The following ASCC3 variants were observed in gnomAD, a reference collection of about 807,000 sequenced individuals.
ASCC3 encodes the protein activating signal cointegrator 1 complex subunit 3, also known as ASC-1 complex subunit P200.
ASCC3 carries 158 observed loss-of-function variants against 256.3 expected under a neutral mutation model. That is an observed-to-expected ratio of 0.62 (90% CI 0.54 to 0.70). The LOEUF is 0.70. ASCC3 is among the 30% of genes least tolerant of loss of function. ASCC3 has a pLI of 0.00. For missense variants in ASCC3, 2,259 were observed against 2,626.0 expected, an observed-to-expected ratio of 0.86 and a Z score of 3.05; for synonymous variants, 948 against 883.4, an observed-to-expected ratio of 1.07 and a Z score of -1.30.
intron 10 of ASCC3, among the ~76,000 whole-genome samples, chr6:100,729,420 C>T (rs1391412267): frequency 3.9e-5 from 6 of 152,194 alleles, no homozygotes; most frequent in Non-Finnish European, 8.8e-5. Context: ...AGCTATGCTT[C>T]AGTTTTTCTT....
chr6:100,790,781 ATTACT>A (rs1036555710), intron 8 of ASCC3, among the ~76,000 whole-genome samples: 4 of 151,962 alleles, frequency 2.6e-5, no homozygotes, highest in Non-Finnish European at 5.9e-5. Flanking sequence ...ATTTTGTTTG[ATTACT>A]TTACTCCTAG....
In ASCC3 at chr6:100,864,271, C is replaced by T. The variant is rs145879151; in HGVS notation, c.91-57G>A. On this transcript the variant is annotated intron_variant, in intron 2 of 41. Transcript: ENST00000369162. ...TGCTTAAAGTTCTTCTCAACTCCAA[C>T]GCTGATTACATATATTTTGCATTAC... 8.0e-4 allele frequency: 1,120 copies of T among 1,405,676 alleles called. 25 individuals are homozygous for T. In the East Asian group the frequency reaches 0.018, roughly 22 times the overall value. 87.1% of individuals were successfully genotyped at this position (1,405,676 alleles called of 1,614,324 possible). A position where few individuals can be genotyped will look rare whatever the true frequency, so the allele number is the denominator to read the frequency against.
chr6:100,871,458 T>C (rs1773739656), intron 1 of ASCC3, among the ~76,000 whole-genome samples: 1 of 151,904 alleles, frequency 6.6e-6, no homozygotes, highest in Non-Finnish European at 1.5e-5. Context: ...AAGGAAGAAA[T>C]TCATCTATTA....
At chr6:100,620,378 C>T (rs1304168828) in intron 30 of ASCC3, among the ~76,000 whole-genome samples, 5 of 152,148 alleles carry the variant, frequency 3.3e-5, no homozygotes, top group Admixed American at 6.6e-5. Context: ...TGCAGTATAA[C>T]TTTACATCAA....
In ASCC3 at chr6:100,625,331, A is replaced by G; in HGVS notation, c.4646T>C (p.Ile1549Thr). 1 of 1,612,412 alleles carries G rather than the reference A, an allele frequency of 6.2e-7. No individual in the cohort carries two copies. The highest frequency in any genetic ancestry group is 8.5e-7 in the Non-Finnish European group (1 of 1,178,826). Reference sequence around the variant, plus strand: ...AGGTTTGGCTGGAGAATGGCTTCTAATTGCTGTTGAAAAGTTGTGGGAAAT... The same window carrying G: ...AGGTTTGGCTGGAGAATGGCTTCTAGTTGCTGTTGAAAAGTTGTGGGAAAT... ...ASMNKPAFQA[I>T]RSHSPAKPVL... Residue 1549 changes from isoleucine to threonine, a missense_variant, in exon 30 of 42, where the codon ATT (isoleucine) becomes ACT (threonine). Physicochemically the swap from Ile to Thr is moderately conservative, Grantham distance 89. Transcript: ENST00000369162.
intron 17 of ASCC3, 22 bp downstream of exon 17, chr6:100,655,677 T>C: frequency 6.2e-7 from 1 of 1,607,008 alleles, no homozygotes; most frequent in South Asian, 1.1e-5. Context: ...TGAATTTTTT[T>C]TTTAATAAAT....
intron 10 of ASCC3, among the ~76,000 whole-genome samples, chr6:100,726,567 T>C (rs2115041151): frequency 6.6e-6 from 1 of 152,166 alleles, no homozygotes; most frequent in South Asian, 2.1e-4. Flanking sequence ...AAGTTCTAGA[T>C]TCTGAAGCAT....
At chr6:100,833,100 T>A (rs1389810690) in intron 4 of ASCC3, among the ~76,000 whole-genome samples, 3 of 152,094 alleles carry the variant, frequency 2.0e-5, no homozygotes, top group Admixed American at 6.6e-5. Flanking sequence ...TATATCTGTA[T>A]AATGGAGTAT....
intron 1 of ASCC3, among the ~76,000 whole-genome samples, chr6:100,874,910 T>C (rs1368301090): frequency 6.6e-6 from 1 of 152,180 alleles, no homozygotes; most frequent in African/African-American, 2.4e-5. Context: ...CAGACTTAAT[T>C]ACTTTTAAAA....
intron 36 of ASCC3, among the ~76,000 whole-genome samples, chr6:100,568,066 T>C (rs1582462832): frequency 6.6e-6 from 1 of 152,232 alleles, no homozygotes; most frequent in East Asian, 1.9e-4. Flanking sequence ...TTTTTTTGAC[T>C]TTTAATAATA....
At chr6:100,878,824 GT>G (rs1443311356) in intron 1 of ASCC3, among the ~76,000 whole-genome samples, 1 of 152,156 alleles carries the variant, frequency 6.6e-6, no homozygotes, top group Non-Finnish European at 1.5e-5. Flanking sequence ...ATGTGTATGA[GT>G]TTCTCCCCAT....
At chr6:100,733,700 G>A (rs893718259) in intron 10 of ASCC3, among the ~76,000 whole-genome samples, 7 of 152,294 alleles carry the variant, frequency 4.6e-5, no homozygotes, top group Admixed American at 3.9e-4. Flanking sequence ...GCAACCTCAT[G>A]AGACAATTAC....
At chr6:100,655,848 T>C (rs762800603) in intron 16 of ASCC3, 30 bp from the exon 17 acceptor site, 12 of 1,607,092 alleles carry the variant, frequency 7.5e-6, no homozygotes, top group Admixed American at 1.7e-5. Context: ...CAGAAATTAA[T>C]GTATTAAAGT....
chr6:100,745,125 G>C (rs1358644868), intron 10 of ASCC3, among the ~76,000 whole-genome samples: 1 of 152,142 alleles, frequency 6.6e-6, no homozygotes, highest in East Asian at 1.9e-4. Context: ...TCAGGAGTTA[G>C]AGACCAGCCT....
chr6:100,794,112 T>A (rs1232275983), intron 8 of ASCC3, among the ~76,000 whole-genome samples: 4 of 152,088 alleles, frequency 2.6e-5, no homozygotes, highest in Non-Finnish European at 5.9e-5. Context: ...GCAGCTTTTC[T>A]TCCTTGAATT....
chr6:100,525,314 T>G (rs1204365307), intron 37 of ASCC3, among the ~76,000 whole-genome samples: 2 of 151,862 alleles, frequency 1.3e-5, no homozygotes, highest in African/African-American at 2.4e-5. Context: ...GAAATTTATT[T>G]ATGCCAAAAT....
chr6:100,850,119 A>AAAT (rs1772592131), intron 3 of ASCC3, among the ~76,000 whole-genome samples: 1 of 149,332 alleles, frequency 6.7e-6, no homozygotes, highest in Non-Finnish European at 1.5e-5. Context: ...AAAAAAAAAA[A>AAAT]AGAAGGAAAC....
chr6:100,686,358 T>C (rs1009447269), intron 13 of ASCC3, among the ~76,000 whole-genome samples: 2 of 152,202 alleles, frequency 1.3e-5, no homozygotes, highest in South Asian at 2.1e-4. Context: ...ACAATGTCTC[T>C]ACCACCCTTC....
At chr6:100,731,488 C>T (rs1779900584) in intron 10 of ASCC3, among the ~76,000 whole-genome samples, 1 of 152,184 alleles carries the variant, frequency 6.6e-6, no homozygotes, top group South Asian at 2.1e-4. Flanking sequence ...TTGTTCATCA[C>T]TCTAACTGCT....
Sources: allele counts gnomAD v4.1 joint callset (sites outside exome capture counted in the v4.1 genomes callset), GRCh38; gene constraint gnomAD v4.1.1; transcripts MANE v1.5; gene names NCBI Gene and HGNC (gene_info 2026-07-23, HGNC 2026-07-21).